NBEA: variants seen among roughly 807,000 people sequenced by gnomAD.
The protein encoded by NBEA is lysosomal-trafficking regulator 2.
In NBEA, 44 loss-of-function variants were observed where a neutral mutation model predicts 343.4. The observed-to-expected ratio is 0.13, with a 90% CI of 0.10 to 0.16. The LOEUF (loss-of-function observed/expected upper bound fraction) is 0.16. Ranked by LOEUF, NBEA falls within the 10% of genes least tolerant of loss-of-function variation. The pLI, the probability that NBEA is intolerant of heterozygous loss-of-function variation, is 1.00. For synonymous variants in NBEA, 1,175 were observed against 1,238.7 expected (o/e 0.95, Z 1.08); for missense variants, 2,555 against 3,631.3 (o/e 0.70, Z 7.62).
intron 47 of NBEA, among the ~76,000 whole-genome samples, chr13:35,598,046 A>G (rs981978622): frequency 6.6e-6 from 1 of 152,176 alleles, no homozygotes; most frequent in Non-Finnish European, 1.5e-5. Flanking sequence ...GTCCCATCCC[A>G]GTATTTGTAT....
At chr13:35,275,593 G>T (rs868356947) in intron 34 of NBEA, among the ~76,000 whole-genome samples, 14 of 152,076 alleles carry the variant, frequency 9.2e-5, no homozygotes, top group Admixed American at 3.3e-4. Context: ...GAAAATTTTT[G>T]CAATCTACTC....
chr13:35,036,904 G>A lies in NBEA; in HGVS notation c.295-4029G>A, dbSNP rs1327414480. Reference sequence around the variant, plus strand: ...CTTCTTTGGGTTAAATCTTCTTGGTGTTCTATAACCTTCTTGTACTTGGAT... The same window carrying A: ...CTTCTTTGGGTTAAATCTTCTTGGTATTCTATAACCTTCTTGTACTTGGAT... On this transcript the variant is annotated intron_variant, in intron 1 of 58. Coordinates refer to ENST00000379939, the MANE Select transcript of NBEA (RefSeq NM_001385012.1). 6.6e-5 allele frequency among the ~76,000 whole-genome samples: 10 copies of A among 152,066 alleles called. No individual in the cohort carries two copies. The East Asian group carries it at 1.9e-3, about 29-fold the overall frequency.
intron 31 of NBEA, among the ~76,000 whole-genome samples, chr13:35,198,902 G>A (rs1283702315): frequency 1.3e-5 from 2 of 151,962 alleles, no homozygotes; most frequent in African/African-American, 2.4e-5. Context: ...ACGGCAAAGA[G>A]TATTATTTTT....
In NBEA at chr13:34,989,539, C is replaced by T. The variant is rs931374145; in HGVS notation, c.294+46425C>T. On this transcript the variant is annotated intron_variant, in intron 1 of 58. Coordinates refer to ENST00000379939, the MANE Select transcript of NBEA (RefSeq NM_001385012.1). ...TATGGGAACTCACTGTCATGAGAACCGCAAAGGGGAAGTCTGCCTCCGTGG... is the reference window on the plus strand; with the variant it reads ...TATGGGAACTCACTGTCATGAGAACTGCAAAGGGGAAGTCTGCCTCCGTGG... Among the ~76,000 whole-genome samples, 3 of 150,672 alleles carry T rather than the reference C, an allele frequency of 2.0e-5. 1 individual carries two copies. Among genetic ancestry groups the T allele is most frequent in the Non-Finnish European group, 3.0e-5 (2 of 67,330 alleles).
intron 45 of NBEA, among the ~76,000 whole-genome samples, chr13:35,582,858 C>A (rs538652688): frequency 6.6e-6 from 1 of 152,266 alleles, no homozygotes; most frequent in East Asian, 1.9e-4. Flanking sequence ...ATCTTCCTCT[C>A]TTGTGTAACA....
intron 1 of NBEA, among the ~76,000 whole-genome samples, chr13:34,960,012 G>A (rs556645062): frequency 6.6e-6 from 1 of 152,184 alleles, no homozygotes; most frequent in African/African-American, 2.4e-5. Context: ...AAAGTTAACT[G>A]TAAAACAGCC....
intron 38 of NBEA, among the ~76,000 whole-genome samples, chr13:35,411,933 G>A (rs183552693): frequency 3.3e-5 from 5 of 151,780 alleles, no homozygotes; most frequent in African/African-American, 9.7e-5. Flanking sequence ...TTCTTCCACC[G>A]AAACTTTACC....
intron 38 of NBEA, among the ~76,000 whole-genome samples, chr13:35,397,718 A>G (rs904761089): frequency 6.6e-5 from 10 of 152,204 alleles, no homozygotes; most frequent in African/African-American, 1.9e-4. Flanking sequence ...AGTTTACACT[A>G]TACAGAAGTC....
chr13:35,181,294 A>G (rs534191633), intron 28 of NBEA, among the ~76,000 whole-genome samples: 19 of 152,012 alleles, frequency 1.2e-4, no homozygotes, highest in Non-Finnish European at 1.3e-4. Context: ...CCAGCAGTGT[A>G]GAAGTGTTTC....
chr13:35,258,540 T>TAAAAAA (rs144726188), intron 34 of NBEA, among the ~76,000 whole-genome samples: 1 of 148,716 alleles, frequency 6.7e-6, no homozygotes, highest in Non-Finnish European at 1.5e-5. Flanking sequence ...TTACTGGCCA[T>TAAAAAA]AAAAAAAAAA....
intron 1 of NBEA, among the ~76,000 whole-genome samples, chr13:35,023,983 C>T (rs961133579): frequency 3.0e-4 from 45 of 152,180 alleles, no homozygotes; most frequent in Non-Finnish European, 1.9e-4. Context: ...CTCCCATGCT[C>T]CACTCTCAGG....
chr13:35,420,008 C>A lies in NBEA; in HGVS notation c.6180-12261C>A, dbSNP rs115752467. Among the ~76,000 whole-genome samples, 332 of 152,062 alleles carry A rather than the reference C, an allele frequency of 2.2e-3. 2 individuals are homozygous for A. Among genetic ancestry groups the A allele is most frequent in the Middle Eastern group, 6.8e-3 (2 of 294 alleles). Reference sequence around the variant, plus strand: ...ACCTTGCTTAACTCAGTCCTTAGTTCTAGGAGTGTTTGACAGATTTTGCAT... The same window carrying A: ...ACCTTGCTTAACTCAGTCCTTAGTTATAGGAGTGTTTGACAGATTTTGCAT... On this transcript the variant is annotated intron_variant, in intron 38 of 58. Coordinates refer to ENST00000379939, the MANE Select transcript of NBEA (RefSeq NM_001385012.1).
At chr13:35,080,265 C>A (rs988635838) in intron 10 of NBEA, among the ~76,000 whole-genome samples, 2 of 152,096 alleles carry the variant, frequency 1.3e-5, no homozygotes, top group Non-Finnish European at 2.9e-5. Flanking sequence ...TAATTGATAT[C>A]ATTGAGGATC....
intron 49 of NBEA, among the ~76,000 whole-genome samples, chr13:35,633,695 GA>G (rs1263913041): frequency 6.6e-6 from 1 of 151,942 alleles, no homozygotes; most frequent in Non-Finnish European, 1.5e-5. Flanking sequence ...ATTCATGGGA[GA>G]AAAATATGTG....
In NBEA at chr13:35,494,358, G is replaced by A. The variant is rs532553766; in HGVS notation, c.6585+21822G>A. Reference sequence around the variant, plus strand: ...AGACTTAAGGGAAAAAGTCAAGTCTGCCTCAAATCCTGTGGGTAAGCAAAT... The same window carrying A: ...AGACTTAAGGGAAAAAGTCAAGTCTACCTCAAATCCTGTGGGTAAGCAAAT... On this transcript the variant is annotated intron_variant, in intron 41 of 58. Transcript: ENST00000379939. Among the ~76,000 whole-genome samples the A allele has an allele frequency of 5.8e-4, 88 of 152,062 alleles. 1 individual carries two copies. The highest frequency in any genetic ancestry group is 2.0e-3 in the African/African-American group (81 of 41,522).
At chr13:35,570,250 C>A (rs1002789321) in intron 45 of NBEA, among the ~76,000 whole-genome samples, 10 of 152,080 alleles carry the variant, frequency 6.6e-5, no homozygotes, top group African/African-American at 2.4e-4. Flanking sequence ...TGGCCAGGCT[C>A]GTCTTGAACT....
At chr13:35,442,018 C>T (rs1421296679) in intron 39 of NBEA, among the ~76,000 whole-genome samples, 2 of 152,000 alleles carry the variant, frequency 1.3e-5, no homozygotes, top group African/African-American at 4.8e-5. Context: ...GATGCAGGTT[C>T]CTTTCCTTTG....
chr13:35,184,075 A>T lies in NBEA; in HGVS notation c.4927+4A>T. The T allele has an allele frequency of 6.3e-7, 1 of 1,595,900 alleles. No individual in the cohort carries two copies. The highest frequency in any genetic ancestry group is 8.6e-7 in the Non-Finnish European group (1 of 1,165,116). On this transcript the variant is annotated splice_donor_region_variant and intron_variant, in intron 30 of 58. Coordinates refer to ENST00000379939, the MANE Select transcript of NBEA (RefSeq NM_001385012.1). ...TTTGGCCACTCATTTTACAAAGGTAATACTGACCTCATCTCCTGACCTGTT... is the reference window on the plus strand; with the variant it reads ...TTTGGCCACTCATTTTACAAAGGTATTACTGACCTCATCTCCTGACCTGTT...
At chr13:35,441,831 GA>G (rs34357028) in intron 39 of NBEA, among the ~76,000 whole-genome samples, 24,880 of 119,858 alleles carry the variant, frequency 0.21, 2,180 homozygotes, top group East Asian at 0.36. Flanking sequence ...TGCTAGATGT[GA>G]AAAAAAAAAA....
Sources: gnomAD v4.1 joint callset for allele counts (sites outside exome capture counted in the v4.1 genomes callset) on GRCh38, gnomAD v4.1.1 for gene constraint, MANE v1.5 for transcripts, NCBI Gene and HGNC (gene_info 2026-07-23, HGNC 2026-07-21) for gene names.